PCDHA6: variants seen among roughly 807,000 people sequenced by gnomAD.
PCDHA6 encodes protocadherin alpha 6.
PCDHA6 carries 55 observed loss-of-function variants against 60.3 expected under a neutral mutation model. The observed-to-expected ratio is 0.91, with a 90% CI of 0.73 to 1.14. The LOEUF is 1.14. Among genes scored for constraint, PCDHA6 ranks in the 50% most tolerant of loss-of-function variants. The pLI is 0.00. For synonymous variants in PCDHA6, 652 were observed against 557.9 expected (o/e 1.17, Z -2.38); for missense variants, 1,327 against 1,256.5 (o/e 1.06, Z -0.85).
intron 3 of PCDHA6, 119 bp from the exon 4 acceptor site, chr5:141,009,508 C>T (rs923907688): frequency 6.7e-7 from 1 of 1,496,530 alleles, no homozygotes; most frequent in African/African-American, 1.4e-5. Flanking sequence ...GAACAAACAA[C>T]TCGTGATTTT....
rs1305424229 is a variant in PCDHA6, at chr5:140,828,046, T to C, written c.-46T>C. 9 of 1,542,498 alleles carry C rather than the reference T, an allele frequency of 5.8e-6. No homozygotes were observed. Among genetic ancestry groups the C allele is most frequent in the Non-Finnish European group, 7.0e-6 (8 of 1,147,598 alleles). ...TTCCGGAACATACAGTATTTTATCT[T>C]TATGCGGAAGATCTTCTAATGGAAA... On this transcript the variant is annotated 5_prime_UTR_variant, in exon 1 of 4. Coordinates refer to ENST00000529310, the MANE Select transcript of PCDHA6 (RefSeq NM_018909.4).
Position 140,883,090 on chromosome 5 carries a change from T to C in PCDHA6, c.2394+52605T>C, listed in dbSNP as rs550322124. On this transcript the variant is annotated intron_variant, in intron 1 of 3. Transcript: ENST00000529310. ...CCACAGATCCTGATGATGGTACAAA[T>C]GGAGATATAGTTTACTCATTTAGAA... The C allele has an allele frequency of 1.4e-4, 226 of 1,614,138 alleles. 1 individual carries two copies. In the South Asian group the frequency reaches 2.4e-3, roughly 17 times the overall value.
intron 3 of PCDHA6, among the ~76,000 whole-genome samples, chr5:140,997,797 C>A (rs2097786104): frequency 6.6e-6 from 1 of 151,944 alleles, no homozygotes; most frequent in Non-Finnish European, 1.5e-5. Context: ...TATAATTTAT[C>A]CAATTTGCTG....
Position 140,834,070 on chromosome 5 carries a change from C to T in PCDHA6, c.2394+3585C>T, listed in dbSNP as rs2150213286. Among the ~76,000 whole-genome samples the T allele has an allele frequency of 2.5e-4, 38 of 152,286 alleles. No homozygotes were observed. The East Asian group carries it at 5.2e-3, about 21-fold the overall frequency. ...ATGCTTCTAACAATCATGAGAAATG[C>T]TATTTTAACCTTTAACAACAATGAA... On this transcript the variant is annotated intron_variant, in intron 1 of 3. Transcript: ENST00000529310.
At chr5:140,861,746 A>G (rs1163368847) in intron 1 of PCDHA6, 1 of 145,142 alleles carries the variant, frequency 6.9e-6, no homozygotes, top group African/African-American at 2.8e-5. Context: ...ACTGTGCCGC[A>G]ATGATTATTT....
At chr5:140,936,552 T>C (rs1408956922) in intron 1 of PCDHA6, among the ~76,000 whole-genome samples, 5 of 152,234 alleles carry the variant, frequency 3.3e-5, no homozygotes, top group Admixed American at 3.3e-4. Flanking sequence ...AATGTAGAAG[T>C]CAAGATTTAT....
intron 1 of PCDHA6, among the ~76,000 whole-genome samples, chr5:140,947,645 A>AT (rs2094157342): frequency 6.6e-6 from 1 of 151,670 alleles, no homozygotes; most frequent in East Asian, 1.9e-4. Context: ...GTATGAACAT[A>AT]TATACCTCCA....
chr5:140,923,814 A>G (rs1554201602), intron 1 of PCDHA6, among the ~76,000 whole-genome samples: 1 of 152,250 alleles, frequency 6.6e-6, no homozygotes, highest in Non-Finnish European at 1.5e-5. Flanking sequence ...ATCTTCTGAA[A>G]ATAGACGTCA....
intron 1 of PCDHA6, chr5:140,927,843 C>T (rs1563097859): frequency 1.2e-6 from 2 of 1,614,186 alleles, no homozygotes; most frequent in Non-Finnish European, 1.7e-6. Context: ...ACGAAGGTGT[C>T]TTTGGTTTAG....
intron 1 of PCDHA6, chr5:140,836,120 G>A (rs2150253260): frequency 1.2e-6 from 2 of 1,613,746 alleles, no homozygotes. Flanking sequence ...CAGTGAGAGA[G>A]CTTGTGCCGC....
rs2150227413 is a variant in PCDHA6 at position 140,834,821 on chromosome 5, G to A, written c.2394+4336G>A. ...GGAATCTGTTCATCGCGGAATCCAG[G>A]CCGCTTGACTCTCGGTTTCCACTAG... On this transcript the variant is annotated intron_variant, in intron 1 of 3. Coordinates refer to ENST00000529310, the MANE Select transcript of PCDHA6 (RefSeq NM_018909.4). 167 of 1,612,344 alleles carry A rather than the reference G, an allele frequency of 1.0e-4. No homozygotes were observed. The East Asian group carries it at 3.7e-3, about 36-fold the overall frequency.
chr5:140,926,068 G>A (rs2082901302), intron 1 of PCDHA6, among the ~76,000 whole-genome samples: 1 of 152,168 alleles, frequency 6.6e-6, no homozygotes, highest in African/African-American at 2.4e-5. Context: ...CCTCCTTGTC[G>A]TCTCTATTGC....
chr5:140,974,481 A>T (rs1017520033), intron 1 of PCDHA6, among the ~76,000 whole-genome samples: 4 of 152,178 alleles, frequency 2.6e-5, no homozygotes, highest in Non-Finnish European at 5.9e-5. Context: ...TTCCACCCAG[A>T]ATTCTCAAAT....
intron 1 of PCDHA6, among the ~76,000 whole-genome samples, chr5:140,964,650 TG>T (rs1554227136): frequency 6.6e-6 from 1 of 151,800 alleles, no homozygotes; most frequent in Non-Finnish European, 1.5e-5. Flanking sequence ...AAACAAGTAA[TG>T]GGTGAGGACA....
At chr5:141,000,422 T>TATC (rs1491457105) in intron 3 of PCDHA6, among the ~76,000 whole-genome samples, 2 of 51,852 alleles carry the variant, frequency 3.9e-5, no homozygotes, top group African/African-American at 1.7e-4. Context: ...TATATATATA[T>TATC]TTTTTTTTTT....
chr5:140,876,883 G>T (rs192756440), intron 1 of PCDHA6: 45 of 1,614,016 alleles, frequency 2.8e-5, no homozygotes, highest in Non-Finnish European at 3.6e-5. Context: ...CAACCCGCCG[G>T]GCTGCCACAT....
chr5:140,856,884 C>T, intron 1 of PCDHA6: 1 of 1,596,124 alleles, frequency 6.3e-7, no homozygotes. Context: ...ATGATGTATT[C>T]ATTTAGCTCT....
Position 140,898,798 on chromosome 5 carries a change from G to A in PCDHA6, c.2394+68313G>A, listed in dbSNP as rs1441416892. On this transcript the variant is annotated intron_variant, in intron 1 of 3. Coordinates refer to ENST00000529310, the MANE Select transcript of PCDHA6 (RefSeq NM_018909.4). The stretch of plus-strand genomic sequence containing the variant: ...CCTTGGGCAGTATGGCCATTTTCAC[G>A]ATACTGATTCTTCCTACCCATGAGC... Among the ~76,000 whole-genome samples the A allele has an allele frequency of 2.6e-4, 39 of 152,120 alleles. 1 individual carries two copies. Among genetic ancestry groups the A allele is most frequent in the African/African-American group, 7.2e-5 (3 of 41,414 alleles).
chr5:140,884,053 C>G (rs782043806), intron 1 of PCDHA6: 1 of 1,613,496 alleles, frequency 6.2e-7, no homozygotes, highest in Admixed American at 1.7e-5. Context: ...CGAAGGTGCG[C>G]GCGGTGGACG....
Sources: gnomAD v4.1 joint callset for allele counts (sites outside exome capture counted in the v4.1 genomes callset) on GRCh38, gnomAD v4.1.1 for gene constraint, MANE v1.5 for transcripts, NCBI Gene and HGNC (gene_info 2026-07-23, HGNC 2026-07-21) for gene names.